The following EIF3H variants were observed in gnomAD, a reference collection of about 807,000 sequenced individuals.
EIF3H encodes the protein eIF-3-gamma.
A neutral mutation model predicts 44.2 loss-of-function variants in EIF3H; 26 were observed. The ratio of observed to expected loss-of-function variants is 0.59; its 90% CI spans 0.43 to 0.82. The LOEUF (loss-of-function observed/expected upper bound fraction) is 0.82, where lower values mean the gene tolerates loss of function less well. EIF3H is among the 40% of genes least tolerant of loss of function. EIF3H has a pLI of 0.00. For synonymous variants in EIF3H, 166 were observed against 151.9 expected, an observed-to-expected ratio of 1.09 and a Z score of -0.68; for missense variants, 359 against 432.8, an observed-to-expected ratio of 0.83 and a Z score of 1.51.
chr8:116,648,711 A>G lies in EIF3H; in HGVS notation c.828+95T>C, dbSNP rs913185245. ...AATATAGAGTAGCTAACGGTCAATA[A>G]TTTACCAAAGATAATTTAGGTCATT... On this transcript the variant is annotated intron_variant, in intron 6 of 7. Transcript: ENST00000521861. 49 of 1,420,512 alleles carry G rather than the reference A, an allele frequency of 3.4e-5. No individual in the cohort carries two copies. The African/African-American group carries it at 6.1e-4, about 18-fold the overall frequency. The allele number at this position is 1,420,512 out of a possible 1,614,324, so 88.0% of individuals were successfully genotyped here. A position where few individuals can be genotyped will look rare whatever the true frequency, so the allele number is the denominator to read the frequency against.
chr8:116,700,554 G>GA (rs1186918434), intron 2 of EIF3H, among the ~76,000 whole-genome samples: 1 of 151,908 alleles, frequency 6.6e-6, no homozygotes, highest in Non-Finnish European at 1.5e-5. Context: ...GTTATTAAGG[G>GA]AAAATCCTCT....
rs185895494 is a variant in EIF3H, at chr8:116,731,910, T to C, written c.133-5738A>G. 1.3e-3 allele frequency among the ~76,000 whole-genome samples: 202 copies of C among 152,312 alleles called. 1 individual carries two copies. The highest frequency in any genetic ancestry group is 2.3e-3 in the Non-Finnish European group (158 of 68,014). ...AAATTCTTCTACACCTTCTGAAACT[T>C]TGTCATGTTCTGGGTGTAAATGCTT... On this transcript the variant is annotated intron_variant, in intron 1 of 7. Transcript: ENST00000521861.
chr8:116,736,981 T>G (rs1227158102), intron 1 of EIF3H, among the ~76,000 whole-genome samples: 1 of 152,220 alleles, frequency 6.6e-6, no homozygotes, highest in Non-Finnish European at 1.5e-5. Flanking sequence ...CTGTTTACAG[T>G]ATTTTGGAAT....
chr8:116,703,658 C>T (rs1814418094), intron 2 of EIF3H, among the ~76,000 whole-genome samples: 1 of 152,204 alleles, frequency 6.6e-6, no homozygotes, highest in Non-Finnish European at 1.5e-5. Flanking sequence ...GGGCCCCTGT[C>T]CGGTGGACAC....
At chr8:116,718,038 G>C (rs1292041058) in intron 2 of EIF3H, among the ~76,000 whole-genome samples, 1 of 151,644 alleles carries the variant, frequency 6.6e-6, no homozygotes, top group East Asian at 1.9e-4. Context: ...ACTCAAACAA[G>C]TCAGCAAGAA....
intron 2 of EIF3H, among the ~76,000 whole-genome samples, chr8:116,686,349 T>C (rs539363722): frequency 6.6e-6 from 1 of 152,242 alleles, no homozygotes; most frequent in African/African-American, 2.4e-5. Flanking sequence ...GTTTTGTGTG[T>C]CTGTGGATAT....
chr8:116,756,981 T>A (rs998877632), upstream of EIF3H, among the ~76,000 whole-genome samples: 2 of 152,234 alleles, frequency 1.3e-5, no homozygotes, highest in African/African-American at 4.8e-5. Context: ...GCTGGAATGA[T>A]GAGCATTAGA....
upstream of EIF3H, among the ~76,000 whole-genome samples, chr8:116,760,131 A>G (rs1044835799): frequency 1.3e-5 from 2 of 152,332 alleles, no homozygotes; most frequent in South Asian, 4.1e-4. Context: ...TAAAGACTAC[A>G]GTTTCATTAC....
At chr8:116,652,909 G>A (rs573163657) in intron 5 of EIF3H, among the ~76,000 whole-genome samples, 1 of 152,268 alleles carries the variant, frequency 6.6e-6, no homozygotes, top group Admixed American at 6.5e-5. Context: ...TTACCAGTGA[G>A]CAACCTGAAG....
chr8:116,722,363 C>T (rs1216426934), intron 2 of EIF3H, among the ~76,000 whole-genome samples: 2 of 152,088 alleles, frequency 1.3e-5, no homozygotes, highest in Non-Finnish European at 2.9e-5. Flanking sequence ...TGTAAGTTAG[C>T]CAGTGTGGGG....
At chr8:116,649,416 C>T (rs1350063389) in intron 5 of EIF3H, among the ~76,000 whole-genome samples, 4 of 152,110 alleles carry the variant, frequency 2.6e-5, no homozygotes, top group African/African-American at 9.7e-5. Context: ...GATGAAGAGG[C>T]TCCTTTCCTC....
At chr8:116,752,760 G>GAA in intron 1 of EIF3H, among the ~76,000 whole-genome samples, 1 of 20,116 alleles carries the variant, frequency 5.0e-5, no homozygotes, top group East Asian at 8.9e-4. Context: ...AAAGAGGGAG[G>GAA]GAGGGAGGGA....
chr8:116,680,517 G>A (rs1212532204), intron 2 of EIF3H, among the ~76,000 whole-genome samples: 4 of 81,260 alleles, frequency 4.9e-5, no homozygotes, highest in East Asian at 2.9e-4. Context: ...CTGTTGATCT[G>A]TGACCTTATC....
intron 2 of EIF3H, among the ~76,000 whole-genome samples, chr8:116,669,997 C>T (rs1408757605): frequency 1.3e-5 from 2 of 152,072 alleles, no homozygotes; most frequent in African/African-American, 2.4e-5. Context: ...TCATGGCAGC[C>T]CATGATAAAC....
chr8:116,664,023 C>T (rs953265278), intron 2 of EIF3H, among the ~76,000 whole-genome samples: 6 of 151,760 alleles, frequency 4.0e-5, no homozygotes, highest in Admixed American at 1.3e-4. Flanking sequence ...CAGTTGAGCT[C>T]GTGCCGCAAA....
At chr8:116,765,259 T>C (rs1423925849) in intron 1 of EIF3H, among the ~76,000 whole-genome samples, 1 of 152,196 alleles carries the variant, frequency 6.6e-6, no homozygotes, top group Non-Finnish European at 1.5e-5. Flanking sequence ...CCTAAATTCA[T>C]TTTAAGTTTA....
intron 2 of EIF3H, chr8:116,689,146 A>G: frequency 2.3e-6 from 1 of 438,364 alleles, no homozygotes. Context: ...TGAACCTTGA[A>G]AAGATCATTT....
chr8:116,712,350 G>A (rs767717019), intron 2 of EIF3H, among the ~76,000 whole-genome samples: 75 of 152,204 alleles, frequency 4.9e-4, no homozygotes, highest in Middle Eastern at 3.4e-3. Context: ...CCCTCTCATC[G>A]GTCACAGGAA....
chr8:116,756,024 G>C, upstream of EIF3H: 3 of 1,535,058 alleles, frequency 2.0e-6, no homozygotes, highest in South Asian at 2.4e-5. Flanking sequence ...AATGATCTAA[G>C]ATGAAAGTAA....
Sources: gnomAD v4.1 joint callset for allele counts (sites outside exome capture counted in the v4.1 genomes callset) on GRCh38, gnomAD v4.1.1 for gene constraint, MANE v1.5 for transcripts, NCBI Gene and HGNC (gene_info 2026-07-23, HGNC 2026-07-21) for gene names.